The following CTNND2 variants were observed in gnomAD, a reference collection of about 807,000 sequenced individuals.
The protein encoded by CTNND2 is catenin delta-2.
A neutral mutation model predicts 144.4 loss-of-function variants in CTNND2; 22 were observed. That is an observed-to-expected ratio of 0.15 (90% confidence interval 0.11 to 0.22). CTNND2 has a LOEUF of 0.22. Among genes scored for constraint, CTNND2 ranks in the 10% least tolerant of loss-of-function variants. The pLI is 1.00. For synonymous variants in CTNND2, 751 were observed against 695.6 expected, an observed-to-expected ratio of 1.08 and a Z score of -1.25; for missense variants, 1,353 against 1,618.8, an observed-to-expected ratio of 0.84 and a Z score of 2.82.
intron 2 of CTNND2, among the ~76,000 whole-genome samples, chr5:11,692,798 C>T (rs536034357): frequency 3.3e-5 from 5 of 152,284 alleles, no homozygotes; most frequent in East Asian, 3.9e-4. Context: ...GACGGGGTTT[C>T]GCCATGTTGG....
intron 2 of CTNND2, among the ~76,000 whole-genome samples, chr5:11,664,184 A>C (rs1783428697): frequency 6.6e-6 from 1 of 152,230 alleles, no homozygotes; most frequent in African/African-American, 2.4e-5. Context: ...TCTACCAAAT[A>C]ATTATGTACA....
intron 9 of CTNND2, among the ~76,000 whole-genome samples, chr5:11,250,473 C>CTG (rs1743451470): frequency 1.6e-5 from 1 of 61,426 alleles, no homozygotes; most frequent in Admixed American, 1.9e-4. Flanking sequence ...CTCTCTCTCT[C>CTG]TCTCTCTCTC....
intron 10 of CTNND2, among the ~76,000 whole-genome samples, chr5:11,231,514 G>A (rs1408177832): frequency 6.6e-6 from 1 of 152,146 alleles, no homozygotes; most frequent in Non-Finnish European, 1.5e-5. Flanking sequence ...GATGACTCTT[G>A]CTATGCTTTA....
chr5:11,248,556 A>C (rs1743246327), intron 9 of CTNND2, among the ~76,000 whole-genome samples: 1 of 152,176 alleles, frequency 6.6e-6, no homozygotes, highest in African/African-American at 2.4e-5. Flanking sequence ...TAAACCATAG[A>C]CTAGAGCACA....
intron 1 of CTNND2, among the ~76,000 whole-genome samples, chr5:11,780,253 C>T (rs1254783059): frequency 2.0e-5 from 3 of 152,128 alleles, no homozygotes; most frequent in Non-Finnish European, 4.4e-5. Context: ...AATCCTGAGC[C>T]CCTAGGTACA....
At chr5:11,109,607 A>G (rs756553644) in intron 14 of CTNND2, among the ~76,000 whole-genome samples, 6 of 152,222 alleles carry the variant, frequency 3.9e-5, no homozygotes, top group Non-Finnish European at 7.3e-5. Flanking sequence ...TCTGTGTTGT[A>G]GACTAGATAA....
At chr5:11,435,997 T>C (rs1763737818) in intron 3 of CTNND2, among the ~76,000 whole-genome samples, 3 of 151,908 alleles carry the variant, frequency 2.0e-5, no homozygotes, top group Non-Finnish European at 2.9e-5. Flanking sequence ...ACTAGGAGCG[T>C]TGAGATAACT....
At chr5:11,473,359 T>C (rs1172441190) in intron 3 of CTNND2, among the ~76,000 whole-genome samples, 1 of 152,226 alleles carries the variant, frequency 6.6e-6, no homozygotes, top group East Asian at 1.9e-4. Context: ...ATGTTCATGT[T>C]GTTTATTATA....
chr5:11,693,887 T>C (rs1190951548), intron 2 of CTNND2, among the ~76,000 whole-genome samples: 1 of 152,234 alleles, frequency 6.6e-6, no homozygotes, highest in Non-Finnish European at 1.5e-5. Flanking sequence ...GGTCACAATG[T>C]TTTCATCAAC....
intron 6 of CTNND2, among the ~76,000 whole-genome samples, chr5:11,393,903 G>A (rs1366258988): frequency 1.3e-5 from 2 of 151,968 alleles, no homozygotes; most frequent in African/African-American, 4.8e-5. Context: ...AGTAAAAAAA[G>A]GAATCCTACC....
At chr5:11,476,034 A>AC (rs1554066864) in intron 3 of CTNND2, among the ~76,000 whole-genome samples, 3 of 132,310 alleles carry the variant, frequency 2.3e-5, no homozygotes, top group Non-Finnish European at 4.9e-5. Context: ...TAATTTTTCT[A>AC]TTTTTTTTTT....
At chr5:11,507,885 T>G (rs905576916) in intron 3 of CTNND2, among the ~76,000 whole-genome samples, 28 of 152,148 alleles carry the variant, frequency 1.8e-4, no homozygotes, top group Non-Finnish European at 3.8e-4. Context: ...AGGCACAATG[T>G]TCCAAAATAC....
At chr5:11,706,422 A>C (rs1240625677) in intron 2 of CTNND2, among the ~76,000 whole-genome samples, 1 of 152,196 alleles carries the variant, frequency 6.6e-6, no homozygotes, top group South Asian at 2.1e-4. Flanking sequence ...ATTTTTTGAA[A>C]GTCAAGTTTA....
At chr5:11,260,860 A>T (rs1200213756) in intron 9 of CTNND2, among the ~76,000 whole-genome samples, 1 of 152,222 alleles carries the variant, frequency 6.6e-6, no homozygotes, top group African/African-American at 2.4e-5. Flanking sequence ...ATTTACTATT[A>T]TAGGGAAGTA....
intron 1 of CTNND2, among the ~76,000 whole-genome samples, chr5:11,902,245 C>T (rs983803129): frequency 6.6e-6 from 1 of 152,180 alleles, no homozygotes; most frequent in Non-Finnish European, 1.5e-5. Context: ...GAACATTCTC[C>T]GTATGGCAAC....
At chr5:11,746,573 G>A (rs1486932814) in intron 1 of CTNND2, among the ~76,000 whole-genome samples, 1 of 151,942 alleles carries the variant, frequency 6.6e-6, no homozygotes, top group African/African-American at 2.4e-5. Context: ...TAAATTTTCT[G>A]TCATTTGCAA....
intron 16 of CTNND2, among the ~76,000 whole-genome samples, chr5:11,048,430 T>C (rs956354060): frequency 6.6e-6 from 1 of 152,200 alleles, no homozygotes; most frequent in Admixed American, 6.5e-5. Context: ...CATGCATATA[T>C]TTTTAGGTAC....
chr5:11,167,999 C>T (rs1269377822), intron 11 of CTNND2, among the ~76,000 whole-genome samples: 2 of 152,024 alleles, frequency 1.3e-5, no homozygotes, highest in Non-Finnish European at 2.9e-5. Flanking sequence ...AGCCACTATG[C>T]CTGACCCTCA....
intron 18 of CTNND2, among the ~76,000 whole-genome samples, chr5:11,007,274 A>T (rs902592809): frequency 6.6e-6 from 1 of 152,264 alleles, no homozygotes; most frequent in African/African-American, 2.4e-5. Context: ...ACTATCGCAT[A>T]GACTGGCATA....
Sources: gnomAD v4.1 joint callset for allele counts (sites outside exome capture counted in the v4.1 genomes callset) on GRCh38, gnomAD v4.1.1 for gene constraint, MANE v1.5 for transcripts, NCBI Gene and HGNC (gene_info 2026-07-23, HGNC 2026-07-21) for gene names.